The following PDCD1 variants were observed in gnomAD, a reference collection of about 807,000 sequenced individuals.
PDCD1 encodes the protein programmed cell death 1.
A neutral mutation model predicts 23.6 loss-of-function variants in PDCD1; 10 were observed. That is an observed-to-expected ratio of 0.42 (90% CI 0.26 to 0.72). The LOEUF is 0.72. Among genes scored for constraint, PDCD1 ranks in the 30% least tolerant of loss-of-function variants. PDCD1 has a pLI of 0.24. For synonymous variants in PDCD1, 168 were observed against 169.3 expected (o/e 0.99, Z 0.06); for missense variants, 313 against 397.8 (o/e 0.79, Z 1.81).
intron 2 of PDCD1, 39 bp from the exon 3 acceptor site, chr2:241,852,392 G>A: frequency 1.4e-6 from 2 of 1,404,688 alleles, no homozygotes; most frequent in Non-Finnish European, 2.0e-6. Context: ...GACGGGGTCA[G>A]GGTGGAGGGT....
Position 241,852,621 on chromosome 2 carries a change from C to T in PDCD1, c.436G>A (p.Glu146Lys). Residue 146 changes from glutamate (E) to lysine (K), a missense_variant and splice_region_variant, in exon 2 of 5, where the codon GAG becomes AAG. Around this residue, in one of 3 missense-constraint regions of PDCD1, gnomAD observed 20 missense variants for 53.3 expected, o/e 0.38. Coordinates refer to ENST00000334409, the MANE Select transcript of PDCD1 (RefSeq NM_005018.3). ...ESLRAELRVT[E>K]RRAEVPTAHP... Reference sequence around the variant, plus strand: ...TGCCCCGGGGCCTCCGAGGCCGCACCTGTCACCCTGAGCTCTGCCCGCAGG... The same window carrying T: ...TGCCCCGGGGCCTCCGAGGCCGCACTTGTCACCCTGAGCTCTGCCCGCAGG... The T allele has an allele frequency of 6.2e-7, 1 of 1,609,604 alleles. No homozygotes were observed. Among genetic ancestry groups the T allele is most frequent in the Non-Finnish European group, 8.5e-7 (1 of 1,178,214 alleles).
chr2:241,851,737 A>G (rs528428202), intron 4 of PDCD1, among the ~76,000 whole-genome samples: 188 of 150,144 alleles, frequency 1.3e-3, no homozygotes, highest in African/African-American at 4.4e-3. Context: ...AGGCACACAC[A>G]TGGGCCGGGC....
At chr2:241,858,475 G>T (rs1233071711) in intron 1 of PDCD1, among the ~76,000 whole-genome samples, 1 of 152,062 alleles carries the variant, frequency 6.6e-6, no homozygotes, top group African/African-American at 2.4e-5. Flanking sequence ...GAGGGGACTT[G>T]GGCCAGGGGA....
Position 241,850,714 on chromosome 2 carries a change from C to T in PDCD1, c.*344G>A, listed in dbSNP as rs1700880995. ...GGCAGGGCCACGGCGCCTTCAGCCCCGGGCCGCAGGCAGCAGCAGCAGCAG... is the reference window on the plus strand; with the variant it reads ...GGCAGGGCCACGGCGCCTTCAGCCCTGGGCCGCAGGCAGCAGCAGCAGCAG... On this transcript the variant is annotated 3_prime_UTR_variant, in exon 5 of 5. Coordinates refer to ENST00000334409, the MANE Select transcript of PDCD1 (RefSeq NM_005018.3). The T allele has an allele frequency of 8.7e-6, 5 of 575,662 alleles. No individual in the cohort carries two copies. The highest frequency in any genetic ancestry group is 1.6e-5 in the South Asian group (1 of 62,842). 35.7% of individuals were successfully genotyped at this position (575,662 alleles called of 1,614,324 possible).
Position 241,850,584 on chromosome 2 carries a change from C to T in PDCD1, c.*474G>A, listed in dbSNP as rs1312634654. 9.5e-6 allele frequency: 4 copies of T among 422,504 alleles called. No homozygotes were observed. The highest frequency in any genetic ancestry group is 1.8e-5 in the Non-Finnish European group (4 of 223,476). 26.2% of individuals were successfully genotyped at this position (422,504 alleles called of 1,614,324 possible). On this transcript the variant is annotated 3_prime_UTR_variant, in exon 5 of 5. Transcript: ENST00000334409. Reference sequence around the variant, plus strand: ...CCCACTCCTGTGCCCAGTCTTGGGCCCTGCGTCCAGGGCGTTTCGGGATGC... The same window carrying T: ...CCCACTCCTGTGCCCAGTCTTGGGCTCTGCGTCCAGGGCGTTTCGGGATGC...
Position 241,858,810 on chromosome 2 carries a change from A to G in PDCD1, c.29T>C (p.Val10Ala). The G allele has an allele frequency of 6.3e-7, 1 of 1,589,358 alleles. No individual in the cohort carries two copies. MQIPQAPWP[V>A]VWAVLQLGWR... ...GCCCAGTTGTAGCACCGCCCAGACG[A>G]CTGGCCAGGGCGCCTGTGGGATCTG... Residue 10 changes from valine (V) to alanine (A), a missense_variant, in exon 1 of 5, where the codon GTC becomes GCC. Physicochemically the swap from Val to Ala is moderately conservative, Grantham distance 64. Around this residue, in one of 3 missense-constraint regions of PDCD1, gnomAD observed 135 missense variants for 166.9 expected, o/e 0.81. Coordinates refer to ENST00000334409, the MANE Select transcript of PDCD1 (RefSeq NM_005018.3).
chr2:241,851,841 T>C, intron 4 of PDCD1, 108 bp downstream of exon 4: 1 of 1,099,712 alleles, frequency 9.1e-7, no homozygotes, highest in Admixed American at 1.7e-5. Flanking sequence ...GTCCTGGCTA[T>C]AATAGAATGT....
At chr2:241,856,331 G>C (rs1303072510) in intron 1 of PDCD1, among the ~76,000 whole-genome samples, 1 of 152,244 alleles carries the variant, frequency 6.6e-6, no homozygotes, top group Non-Finnish European at 1.5e-5. Flanking sequence ...GTCGGCGAGA[G>C]GGCAGGCTCT....
At chr2:241,852,519 T>A in intron 2 of PDCD1, 102 bp downstream of exon 2, 1 of 1,399,720 alleles carries the variant, frequency 7.1e-7, no homozygotes, top group Non-Finnish European at 9.6e-7. Flanking sequence ...AGCTGGGGGG[T>A]CCCTGCCCTA....
At position 241,850,706 on chromosome 2, in the gene PDCD1, T is replaced by C; in HGVS notation, c.*352A>G. 1 of 544,920 alleles carries C rather than the reference T, an allele frequency of 1.8e-6. No homozygotes were observed. The highest frequency in any genetic ancestry group is 3.5e-6 in the Non-Finnish European group (1 of 289,256). 33.8% of individuals were successfully genotyped at this position (544,920 alleles called of 1,614,324 possible). On this transcript the variant is annotated 3_prime_UTR_variant, in exon 5 of 5. Transcript: ENST00000334409. ...GGGCGTCAGGCAGGGCCACGGCGCCTTCAGCCCCGGGCCGCAGGCAGCAGC... is the reference window on the plus strand; with the variant it reads ...GGGCGTCAGGCAGGGCCACGGCGCCCTCAGCCCCGGGCCGCAGGCAGCAGC...
chr2:241,851,940 G>A lies in PDCD1; in HGVS notation c.627+9C>T, dbSNP rs368975047. 6.2e-7 allele frequency: 1 copy of A among 1,613,406 alleles called. No individual in the cohort carries two copies. Among genetic ancestry groups the A allele is most frequent in the Non-Finnish European group, 8.5e-7 (1 of 1,179,638 alleles). On this transcript the variant is annotated intron_variant, in intron 4 of 4. Transcript: ENST00000334409. ...ACAGTGGATCATGCAGGAAAAGAGT[G>A]AGACTCACCAGGGGCTGGCCGGTGC...
intron 1 of PDCD1, 102 bp downstream of exon 1, chr2:241,858,661 G>A: frequency 9.9e-7 from 1 of 1,011,172 alleles, no homozygotes; most frequent in South Asian, 1.4e-5. Context: ...TGGGCTGCCA[G>A]GGCCAGGCCC....
rs2124854591 is a variant in PDCD1 at position 241,850,420 on chromosome 2, T to C, written c.*638A>G. On this transcript the variant is annotated 3_prime_UTR_variant, in exon 5 of 5. Transcript: ENST00000334409. ...TCCCTGCCCCACAAAGGGCCTGAGG[T>C]GCTGCCTGGGCATGTGTAAAGGTGG... 1.2e-5 allele frequency: 3 copies of C among 242,178 alleles called. No homozygotes were observed. In the East Asian group the frequency reaches 1.8e-4, roughly 14 times the overall value. 15.0% of individuals were successfully genotyped at this position (242,178 alleles called of 1,614,324 possible). A position where few individuals can be genotyped will look rare whatever the true frequency, so the allele number is the denominator to read the frequency against.
At position 241,850,837 on chromosome 2, in the gene PDCD1, G is replaced by A. The variant is rs1700883744; in HGVS notation, c.*221C>T. 6 of 626,698 alleles carry A rather than the reference G, an allele frequency of 9.6e-6. 1 individual carries two copies. The highest frequency in any genetic ancestry group is 5.7e-5 in the South Asian group (3 of 52,924). The allele number at this position is 626,698 out of a possible 1,614,324, so 38.8% of individuals were successfully genotyped here. ...GCATCTGGCCCTCCCTGTAGGGGAC[G>A]GTGACACCTGCTGCCTGGGCTCACT... On this transcript the variant is annotated 3_prime_UTR_variant, in exon 5 of 5. Transcript: ENST00000334409.
At chr2:241,851,798 T>G in intron 4 of PDCD1, 151 bp downstream of exon 4, 2 of 805,292 alleles carry the variant, frequency 2.5e-6, no homozygotes, top group Non-Finnish European at 4.3e-6. Flanking sequence ...GCTTTAGGGA[T>G]TGAGGTTGCT....
Position 241,851,952 on chromosome 2 carries a change from G to T in PDCD1, c.624C>A (p.Pro208=). The change falls in exon 4 of 5, where the codon CCC becomes CCA. Residue 208 remains proline, a synonymous_variant. Transcript: ENST00000334409. ...GCAGGAAAAGAGTGAGACTCACCAGGGGCTGGCCGGTGCGCCTGGCTCCTA... is the reference window on the plus strand; with the variant it reads ...GCAGGAAAAGAGTGAGACTCACCAGTGGCTGGCCGGTGCGCCTGGCTCCTA... ...GTIGARRTGQ[P]LKEDPSAVPV... 6.2e-7 allele frequency: 1 copy of T among 1,613,760 alleles called. No individual in the cohort carries two copies. Among genetic ancestry groups the T allele is most frequent in the Non-Finnish European group, 8.5e-7 (1 of 1,179,864 alleles).
At chr2:241,853,022 A>G (rs2124862048) in intron 1 of PDCD1, 42 bp from the exon 2 acceptor site, 1 of 1,523,208 alleles carries the variant, frequency 6.6e-7, no homozygotes, top group Non-Finnish European at 8.8e-7. Flanking sequence ...GGGTGGCCCC[A>G]CAAAGCCTCC....
Position 241,858,881 on chromosome 2 carries a change from AGGCGG to A in PDCD1, c.-48_-44del. 1 of 1,512,910 alleles carries A rather than the reference AGGCGG, an allele frequency of 6.6e-7. No homozygotes were observed. Among genetic ancestry groups the A allele is most frequent in the Admixed American group, 2.0e-5 (1 of 51,112 alleles). The allele number at this position is 1,512,910 out of a possible 1,614,324, so 93.7% of individuals were successfully genotyped here. Reference sequence around the variant, plus strand: ...CAGAGTGCCGCCTTCTCCACTGCTCAGGCGGAGGTGAGCGGAAGGGAAACTGTCCC... The same window carrying A: ...CAGAGTGCCGCCTTCTCCACTGCTCAAGGTGAGCGGAAGGGAAACTGTCCC... On this transcript the variant is annotated 5_prime_UTR_variant, in exon 1 of 5. Transcript: ENST00000334409.
chr2:241,852,360 G>A lies in PDCD1; in HGVS notation c.437-7C>T. ...GGCACTTCTGCCCTTCTCTCTGGAA[G>A]GGCACAAAGGTCAGGGGTTAGGACG... On this transcript the variant is annotated splice_region_variant and splice_polypyrimidine_tract_variant and intron_variant, in intron 2 of 4. Transcript: ENST00000334409. 1 of 1,554,286 alleles carries A rather than the reference G, an allele frequency of 6.4e-7. No homozygotes were observed. The highest frequency in any genetic ancestry group is 1.8e-4 in the Middle Eastern group (1 of 5,648).
Sources: gnomAD v4.1 joint callset for allele counts (sites outside exome capture counted in the v4.1 genomes callset) on GRCh38, gnomAD v4.1.1 for gene constraint, gnomAD v4.1.1 regional missense constraint, MANE v1.5 for transcripts, NCBI Gene and HGNC (gene_info 2026-07-23, HGNC 2026-07-21) for gene names.